Variants in SAMD5 observed in about 807,000 individuals in gnomAD.
SAMD5 encodes the protein sterile alpha motif domain-containing protein 5.
In SAMD5, 13 loss-of-function variants were observed where a neutral mutation model predicts 11.3. The observed-to-expected ratio is 1.15, with a 90% CI of 0.75 to 1.83. SAMD5 has a LOEUF of 1.83. SAMD5 is among the 40% of genes most tolerant of loss of function. SAMD5 has a pLI of 0.00. For synonymous variants in SAMD5, 129 were observed against 111.3 expected (o/e 1.16, Z -1.00); for missense variants, 255 against 239.1 (o/e 1.07, Z -0.44).
the SAMD5 span, among the ~76,000 whole-genome samples, chr6:147,876,810 G>A: frequency 6.6e-6 from 1 of 152,166 alleles, no homozygotes; most frequent in Non-Finnish European, 1.5e-5. Flanking sequence ...TTTTAGCCAG[G>A]CAATTATGGG....
chr6:147,518,034 TC>T (rs1474926106), intron 1 of SAMD5, among the ~76,000 whole-genome samples: 11 of 152,160 alleles, frequency 7.2e-5, no homozygotes, highest in Non-Finnish European at 1.2e-4. Context: ...GAAAGTCAAT[TC>T]CCCATGTATT....
Position 147,590,880 on chromosome 6 carries a change from A to G in SAMD5, c.162+81493A>G, listed in dbSNP as rs1438813337. ...GTAAGAAGTAACTAAATGGTAATAA[A>G]TTGTTTTATTTTTAAAATGTGGTCA... is the stretch of plus-strand genomic sequence containing the variant. On this transcript the variant is annotated intron_variant, in intron 1 of 1. Transcript: ENST00000566741. Among the ~76,000 whole-genome samples, 8 of 152,174 alleles carry G rather than the reference A, an allele frequency of 5.3e-5. No homozygotes were observed. The East Asian group carries it at 1.3e-3, about 26-fold the overall frequency.
At chr6:147,890,225 G>T in the SAMD5 span, among the ~76,000 whole-genome samples, 1 of 151,230 alleles carries the variant, frequency 6.6e-6, no homozygotes, top group Non-Finnish European at 1.5e-5. Context: ...AAATCATTAA[G>T]AAAAAAAGAT....
chr6:147,840,871 C>T, the SAMD5 span, among the ~76,000 whole-genome samples: 1 of 152,130 alleles, frequency 6.6e-6, no homozygotes, highest in African/African-American at 2.4e-5. Flanking sequence ...CAGAAGCAGA[C>T]ACATGGTAAA....
the SAMD5 span, among the ~76,000 whole-genome samples, chr6:147,941,790 C>A: frequency 3.9e-5 from 6 of 152,046 alleles, no homozygotes; most frequent in African/African-American, 1.4e-4. Flanking sequence ...GTGACAAAAT[C>A]ATAGTACTTT....
At chr6:147,581,033 T>C (rs1286797686) in intron 1 of SAMD5, among the ~76,000 whole-genome samples, 1 of 152,188 alleles carries the variant, frequency 6.6e-6, no homozygotes, top group African/African-American at 2.4e-5. Context: ...CTTTTTCTCT[T>C]TTCTCCAAAG....
At chr6:147,875,941 A>G in the SAMD5 span, among the ~76,000 whole-genome samples, 40 of 152,314 alleles carry the variant, frequency 2.6e-4, no homozygotes, top group Admixed American at 2.4e-3. Flanking sequence ...AAAGTGCACA[A>G]TAAATGTAAG....
intron 1 of SAMD5, among the ~76,000 whole-genome samples, chr6:147,652,293 G>T (rs533840794): frequency 1.2e-4 from 19 of 152,050 alleles, no homozygotes; most frequent in Admixed American, 3.9e-4. Flanking sequence ...TGTTTGTTTG[G>T]TTGGTTGGTT....
chr6:147,936,919 A>G, the SAMD5 span, among the ~76,000 whole-genome samples: 1 of 152,148 alleles, frequency 6.6e-6, no homozygotes, highest in Non-Finnish European at 1.5e-5. Flanking sequence ...AGGTCTTCAG[A>G]GCAGATGACA....
chr6:147,558,042 C>A (rs1417273025), intron 1 of SAMD5, among the ~76,000 whole-genome samples: 1 of 152,124 alleles, frequency 6.6e-6, no homozygotes, highest in Non-Finnish European at 1.5e-5. Context: ...TATTAGCAGC[C>A]GTTTGCTGCT....
chr6:147,753,099 A>G, the SAMD5 span, among the ~76,000 whole-genome samples: 2 of 152,168 alleles, frequency 1.3e-5, no homozygotes, highest in Admixed American at 6.5e-5. Flanking sequence ...AAGAAACATA[A>G]CAGTCAATGC....
At chr6:147,606,080 A>G (rs919523670) in intron 1 of SAMD5, among the ~76,000 whole-genome samples, 1 of 152,188 alleles carries the variant, frequency 6.6e-6, no homozygotes, top group African/African-American at 2.4e-5. Flanking sequence ...ATTAGGTTCT[A>G]TTCTGCTCAA....
At chr6:147,811,459 T>C in the SAMD5 span, among the ~76,000 whole-genome samples, 2 of 152,202 alleles carry the variant, frequency 1.3e-5, no homozygotes, top group Non-Finnish European at 2.9e-5. Context: ...CCTTAGGCAA[T>C]GTGGACCCAT....
the SAMD5 span, among the ~76,000 whole-genome samples, chr6:147,884,420 C>A: frequency 6.6e-6 from 1 of 152,320 alleles, no homozygotes; most frequent in South Asian, 2.1e-4. Flanking sequence ...CTTGTGTTTT[C>A]AAGTTCTGAA....
At chr6:147,761,993 G>GT in the SAMD5 span, among the ~76,000 whole-genome samples, 6 of 151,894 alleles carry the variant, frequency 4.0e-5, no homozygotes, top group Admixed American at 1.3e-4. Flanking sequence ...AATTACATAT[G>GT]TGAGCCACCA....
intron 1 of SAMD5, among the ~76,000 whole-genome samples, chr6:147,677,346 T>TG (rs1440776044): frequency 6.6e-6 from 1 of 151,994 alleles, no homozygotes; most frequent in African/African-American, 2.4e-5. Flanking sequence ...GAAAGTGGTG[T>TG]GGTAAGGAAC....
the SAMD5 span, among the ~76,000 whole-genome samples, chr6:147,840,123 C>A: frequency 6.6e-6 from 1 of 152,176 alleles, no homozygotes; most frequent in South Asian, 2.1e-4. Context: ...AAATTCCCTG[C>A]ACTGATAGAC....
chr6:147,687,761 T>C (rs76239023), intron 1 of SAMD5, among the ~76,000 whole-genome samples: 2,813 of 152,334 alleles, frequency 0.018, 57 homozygotes, highest in South Asian at 0.071. Context: ...AGTTTGAAGA[T>C]GTAATTGAGT....
intron 1 of SAMD5, among the ~76,000 whole-genome samples, chr6:147,662,623 G>A (rs1790663298): frequency 3.3e-5 from 5 of 152,274 alleles, no homozygotes; most frequent in Admixed American, 2.6e-4. Context: ...AATGCACATC[G>A]GTGTATCAGG....
Sources: allele counts gnomAD v4.1 joint callset (sites outside exome capture counted in the v4.1 genomes callset), GRCh38; gene constraint gnomAD v4.1.1; transcripts MANE v1.5; gene names NCBI Gene and HGNC (gene_info 2026-07-23, HGNC 2026-07-21).